The following AGTPBP1 variants were observed in gnomAD, a reference collection of about 807,000 sequenced individuals.
AGTPBP1 encodes cytosolic carboxypeptidase 1.
Under a neutral mutation model 143.9 loss-of-function variants are expected in AGTPBP1, and 70 were observed. The ratio of observed to expected loss-of-function variants is 0.49; its 90% CI spans 0.40 to 0.59. AGTPBP1 has a LOEUF of 0.59. AGTPBP1 is among the 20% of genes least tolerant of loss of function. AGTPBP1 has a pLI of 0.00. For synonymous variants in AGTPBP1, 463 were observed against 500.2 expected (o/e 0.93, Z 0.99); for missense variants, 1,229 against 1,464.5 (o/e 0.84, Z 2.62).
intron 9 of AGTPBP1, among the ~76,000 whole-genome samples, chr9:85,659,242 C>G (rs1833712996): frequency 6.6e-6 from 1 of 152,060 alleles, no homozygotes; most frequent in East Asian, 1.9e-4. Context: ...ATTCAGTGTA[C>G]CAAACTCACA....
At chr9:85,669,334 T>C in intron 8 of AGTPBP1, 151 bp downstream of exon 8, 1 of 458,784 alleles carries the variant, frequency 2.2e-6, no homozygotes, top group Non-Finnish European at 3.8e-6. Flanking sequence ...CTAAAGAAAA[T>C]CTTTATCATG....
chr9:85,752,253 G>A, the AGTPBP1 span, among the ~76,000 whole-genome samples: 1 of 151,710 alleles, frequency 6.6e-6, no homozygotes, highest in Non-Finnish European at 1.5e-5. Flanking sequence ...AAAAAGATGT[G>A]GATGGAAACT....
At chr9:85,680,515 T>C (rs1036427784) in intron 4 of AGTPBP1, among the ~76,000 whole-genome samples, 2 of 151,200 alleles carry the variant, frequency 1.3e-5, no homozygotes, top group Non-Finnish European at 1.5e-5. Flanking sequence ...ACCTGGGAGA[T>C]AGAGGTTGCA....
intron 17 of AGTPBP1, among the ~76,000 whole-genome samples, chr9:85,604,950 A>C (rs754415931): frequency 6.6e-6 from 1 of 152,234 alleles, no homozygotes; most frequent in Non-Finnish European, 1.5e-5. Context: ...CAAAAGAAAA[A>C]AAAGAATAAA....
chr9:85,740,387 T>TGGGAAA (rs1824172860), intron 1 of AGTPBP1, among the ~76,000 whole-genome samples: 1 of 152,188 alleles, frequency 6.6e-6, no homozygotes, highest in Admixed American at 6.5e-5. Context: ...GAGCAAGTCA[T>TGGGAAA]ATTAGAACTC....
rs189969879 is a variant in AGTPBP1 at position 85,660,906 on chromosome 9, A to C, written c.700+30T>G. 5.3e-5 allele frequency: 78 copies of C among 1,475,254 alleles called. No homozygotes were observed. The East Asian group carries it at 1.8e-3, about 35-fold the overall frequency. The allele number at this position is 1,475,254 out of a possible 1,614,324, so 91.4% of individuals were successfully genotyped here. On this transcript the variant is annotated intron_variant, in intron 9 of 25. Coordinates refer to ENST00000357081, the MANE Select transcript of AGTPBP1 (RefSeq NM_001330701.2). ...TAAATAGAATTCTCAGAAAAATAGT[A>C]TCTAGTATTTCTAGTATTTAAAAAC...
At chr9:85,762,027 T>C in the AGTPBP1 span, among the ~76,000 whole-genome samples, 1 of 152,190 alleles carries the variant, frequency 6.6e-6, no homozygotes, top group Non-Finnish European at 1.5e-5. Context: ...AAAATGCTCA[T>C]CATCACTGGT....
At chr9:85,801,380 G>A in the AGTPBP1 span, among the ~76,000 whole-genome samples, 1 of 152,206 alleles carries the variant, frequency 6.6e-6, no homozygotes, top group Admixed American at 6.5e-5. Context: ...TATATGAGAT[G>A]TTCTGATACA....
chr9:85,593,136 T>C (rs181288158), intron 18 of AGTPBP1, among the ~76,000 whole-genome samples: 75 of 152,270 alleles, frequency 4.9e-4, no homozygotes, highest in Non-Finnish European at 8.1e-4. Flanking sequence ...TCAGAGATGA[T>C]GTTGTTTCCT....
At chr9:85,592,456 T>C (rs553174035) in intron 19 of AGTPBP1, 104 bp downstream of exon 19, 1 of 761,562 alleles carries the variant, frequency 1.3e-6, no homozygotes, top group East Asian at 3.3e-5. Flanking sequence ...TTAACTAAAC[T>C]CAATTATTAT....
the AGTPBP1 span, among the ~76,000 whole-genome samples, chr9:85,802,172 C>A: frequency 6.6e-6 from 1 of 152,136 alleles, no homozygotes; most frequent in Non-Finnish European, 1.5e-5. Flanking sequence ...GTTCCAAGGT[C>A]ATTGCATATA....
chr9:85,711,613 T>A (rs972052675), intron 2 of AGTPBP1, among the ~76,000 whole-genome samples: 2 of 151,982 alleles, frequency 1.3e-5, no homozygotes, highest in African/African-American at 4.8e-5. Context: ...CTAATTTTTG[T>A]ATTTTTTATA....
chr9:85,760,655 C>G, the AGTPBP1 span, among the ~76,000 whole-genome samples: 5 of 152,232 alleles, frequency 3.3e-5, no homozygotes, highest in South Asian at 2.1e-4. Flanking sequence ...AAACCCACAG[C>G]CAATATCGTA....
intron 17 of AGTPBP1, among the ~76,000 whole-genome samples, chr9:85,610,875 G>A (rs1055649333): frequency 5.3e-5 from 8 of 152,086 alleles, no homozygotes; most frequent in South Asian, 4.2e-4. Flanking sequence ...TTCTGTTAAT[G>A]TTAAGACAAA....
intron 1 of AGTPBP1, among the ~76,000 whole-genome samples, chr9:85,715,565 A>G (rs535918813): frequency 2.8e-4 from 43 of 152,286 alleles, no homozygotes; most frequent in Non-Finnish European, 5.3e-4. Flanking sequence ...CTGGCAAATA[A>G]TCTTCACTAA....
At chr9:85,709,421 C>A (rs1376018406) in intron 2 of AGTPBP1, among the ~76,000 whole-genome samples, 1 of 152,136 alleles carries the variant, frequency 6.6e-6, no homozygotes, top group East Asian at 1.9e-4. Flanking sequence ...ATAAGGATAT[C>A]CACTGTCACC....
intron 19 of AGTPBP1, among the ~76,000 whole-genome samples, chr9:85,590,589 G>A (rs1054323746): frequency 6.6e-6 from 1 of 152,072 alleles, no homozygotes; most frequent in African/African-American, 2.4e-5. Flanking sequence ...AGGGCATTGG[G>A]GATACAACAA....
Position 85,547,192 on chromosome 9 carries a change from C to G in AGTPBP1, c.3598G>C (p.Ala1200Pro). ...ESNDELDIEL[A>P]ENVGDYEPSA... Reference sequence around the variant, plus strand: ...GGTTCATAATCTCCTACATTTTCAGCCAACTCAATATCTAACTCATCATTA... The same window carrying G: ...GGTTCATAATCTCCTACATTTTCAGGCAACTCAATATCTAACTCATCATTA... Residue 1200 changes from alanine to proline, a missense_variant, in exon 26 of 26, where the codon GCT (alanine) becomes CCT (proline). This residue lies in a region of AGTPBP1 where 486 missense variants were observed against 652.3 expected (regional missense o/e 0.75). Transcript: ENST00000357081. 1 of 1,613,654 alleles carries G rather than the reference C, an allele frequency of 6.2e-7. No homozygotes were observed. The highest frequency in any genetic ancestry group is 2.2e-5 in the East Asian group (1 of 44,828).
chr9:85,668,456 C>T (rs1834267477), intron 8 of AGTPBP1, among the ~76,000 whole-genome samples: 1 of 150,684 alleles, frequency 6.6e-6, no homozygotes, highest in Non-Finnish European at 1.5e-5. Context: ...GAGAGAGACT[C>T]CATTTCAAAA....
Sources: allele counts gnomAD v4.1 joint callset (sites outside exome capture counted in the v4.1 genomes callset), GRCh38; gene constraint gnomAD v4.1.1; regional missense constraint gnomAD v4.1.1; transcripts MANE v1.5; gene names NCBI Gene and HGNC (gene_info 2026-07-23, HGNC 2026-07-21).